The following MLIP variants were observed in gnomAD, a reference collection of about 807,000 sequenced individuals.
MLIP encodes the protein muscular LMNA interacting protein.
MLIP carries 79 observed loss-of-function variants against 84.8 expected under a neutral mutation model. The ratio of observed to expected loss-of-function variants is 0.93; its 90% CI spans 0.78 to 1.12. The LOEUF is 1.12. MLIP is among the 50% of genes most tolerant of loss of function. The probability of loss-of-function intolerance (pLI) is 0.00; values close to 1 mark genes in which losing one functional copy is unlikely to be tolerated. For missense variants in MLIP, 1,257 were observed against 1,160.6 expected, an observed-to-expected ratio of 1.08 and a Z score of -1.21; for synonymous variants, 504 against 463.0, an observed-to-expected ratio of 1.09 and a Z score of -1.14.
intron 5 of MLIP, among the ~76,000 whole-genome samples, chr6:54,152,187 T>C (rs987633596): frequency 3.9e-5 from 6 of 152,102 alleles, no homozygotes; most frequent in African/African-American, 7.2e-5. Flanking sequence ...CCAATAATCA[T>C]CTTCTCCAAG....
At position 54,138,288 on chromosome 6, in the gene MLIP, T is replaced by TG; in HGVS notation, c.2217+2_2217+3insG. On this transcript the variant is annotated splice_region_variant and intron_variant, in intron 4 of 13. Coordinates refer to ENST00000502396, the MANE Select transcript of MLIP (RefSeq NM_001281747.2). ...GGCCCAGAAAATAAGAAATCAAAGG[T>TG]ATTTTTTGCATGTTGCATGGTGCAT... 1 of 1,532,160 alleles carries TG rather than the reference T, an allele frequency of 6.5e-7. No individual in the cohort carries two copies. Among genetic ancestry groups the TG allele is most frequent in the Non-Finnish European group, 8.7e-7 (1 of 1,143,968 alleles). 94.9% of individuals were successfully genotyped at this position (1,532,160 alleles called of 1,614,324 possible).
At chr6:54,147,319 A>C (rs1772955398) in intron 4 of MLIP, among the ~76,000 whole-genome samples, 1 of 152,184 alleles carries the variant, frequency 6.6e-6, no homozygotes, top group African/African-American at 2.4e-5. Context: ...CTTCTGTAAA[A>C]TTAAATGAGT....
intron 5 of MLIP, among the ~76,000 whole-genome samples, chr6:54,154,727 A>G (rs184555451): frequency 6.6e-6 from 1 of 152,276 alleles, no homozygotes. Context: ...ATATATTTAT[A>G]TCTTCATTAA....
At chr6:54,173,083 G>T (rs1775932645) in intron 9 of MLIP, among the ~76,000 whole-genome samples, 1 of 151,488 alleles carries the variant, frequency 6.6e-6, no homozygotes, top group African/African-American at 2.4e-5. Flanking sequence ...CTAATATTTT[G>T]AGCTCTTACC....
intron 11 of MLIP, among the ~76,000 whole-genome samples, chr6:54,208,575 G>C (rs1299023345): frequency 2.0e-5 from 3 of 152,056 alleles, no homozygotes; most frequent in Non-Finnish European, 4.4e-5. Flanking sequence ...AACAAAACAA[G>C]ACCTCCATCT....
chr6:54,153,372 G>A lies in MLIP; in HGVS notation c.2289+4245G>A, dbSNP rs184277811. Among the ~76,000 whole-genome samples, 44 of 151,864 alleles carry A rather than the reference G, an allele frequency of 2.9e-4. 1 individual carries two copies. Among genetic ancestry groups the A allele is most frequent in the Admixed American group, 2.3e-3 (35 of 15,250 alleles). ...TTTTGAGATGGAGTCTTGCTATGTT[G>A]CCCAGGCTAGATTTGAAATTCTAGT... On this transcript the variant is annotated intron_variant, in intron 5 of 13. Coordinates refer to ENST00000502396, the MANE Select transcript of MLIP (RefSeq NM_001281747.2).
chr6:54,181,182 G>A (rs982424335), intron 9 of MLIP, among the ~76,000 whole-genome samples: 2 of 152,078 alleles, frequency 1.3e-5, no homozygotes, highest in African/African-American at 4.8e-5. Flanking sequence ...TTTAACTGAT[G>A]TTCTATTTCT....
intron 3 of MLIP, among the ~76,000 whole-genome samples, chr6:54,131,344 T>G (rs1771360445): frequency 6.6e-6 from 1 of 152,206 alleles, no homozygotes; most frequent in African/African-American, 2.4e-5. Context: ...GTATCTCTGC[T>G]GCTTTGAGTC....
intron 8 of MLIP, among the ~76,000 whole-genome samples, chr6:54,168,584 G>C (rs982440661): frequency 6.6e-6 from 1 of 151,774 alleles, no homozygotes. Context: ...AGTCCCAGGG[G>C]TGTAGAACAG....
chr6:54,261,435 T>C (rs1343662281), intron 13 of MLIP, among the ~76,000 whole-genome samples: 1 of 152,054 alleles, frequency 6.6e-6, no homozygotes, highest in East Asian at 1.9e-4. Context: ...TTAACACAAC[T>C]TGAGAGCTAA....
intron 11 of MLIP, among the ~76,000 whole-genome samples, chr6:54,225,314 T>C (rs1392342710): frequency 6.6e-6 from 1 of 152,144 alleles, no homozygotes; most frequent in African/African-American, 2.4e-5. Context: ...GCTACAAACC[T>C]GTACAGCACA....
At chr6:54,050,891 T>G (rs1476260296) in intron 1 of MLIP, among the ~76,000 whole-genome samples, 2 of 152,208 alleles carry the variant, frequency 1.3e-5, no homozygotes, top group Non-Finnish European at 2.9e-5. Flanking sequence ...ATCTTTCACA[T>G]GAACTCACAG....
intron 1 of MLIP, among the ~76,000 whole-genome samples, chr6:54,094,422 T>C (rs1044221186): frequency 1.2e-4 from 19 of 152,180 alleles, no homozygotes; most frequent in Non-Finnish European, 2.1e-4. Flanking sequence ...TCTGGACAAC[T>C]GCTTTGCAAA....
intron 1 of MLIP, among the ~76,000 whole-genome samples, chr6:54,116,346 G>T (rs1162286132): frequency 1.3e-5 from 2 of 151,958 alleles, no homozygotes; most frequent in African/African-American, 2.4e-5. Flanking sequence ...ACAAAGAATT[G>T]GTTTTTGGAA....
intron 4 of MLIP, among the ~76,000 whole-genome samples, chr6:54,141,072 G>A (rs1457834288): frequency 6.6e-6 from 1 of 152,082 alleles, no homozygotes; most frequent in African/African-American, 2.4e-5. Flanking sequence ...TAAAGTCTGG[G>A]CTCTACTGTC....
chr6:54,166,696 A>T (rs991043280), intron 8 of MLIP, among the ~76,000 whole-genome samples: 1 of 151,776 alleles, frequency 6.6e-6, no homozygotes, highest in African/African-American at 2.4e-5. Context: ...CTCTATATTC[A>T]TTCCTTTGGT....
chr6:54,239,318 A>G (rs1468478621), intron 12 of MLIP, among the ~76,000 whole-genome samples: 4 of 148,214 alleles, frequency 2.7e-5, no homozygotes, highest in African/African-American at 1.0e-4. Flanking sequence ...ACTCCTATGT[A>G]GATGATCATG....
At chr6:54,192,634 AT>A (rs990309703) in intron 10 of MLIP, among the ~76,000 whole-genome samples, 4 of 151,800 alleles carry the variant, frequency 2.6e-5, no homozygotes, top group African/African-American at 9.7e-5. Flanking sequence ...TTATATTTTT[AT>A]ATATGTATGT....
chr6:54,099,234 A>G (rs1217146610), intron 1 of MLIP, among the ~76,000 whole-genome samples: 2 of 152,170 alleles, frequency 1.3e-5, no homozygotes, highest in African/African-American at 4.8e-5. Context: ...GAAGTCTTGA[A>G]GAAAAATTTA....
Sources: allele counts gnomAD v4.1 joint callset (sites outside exome capture counted in the v4.1 genomes callset), GRCh38; gene constraint gnomAD v4.1.1; transcripts MANE v1.5; gene names NCBI Gene and HGNC (gene_info 2026-07-23, HGNC 2026-07-21).